FZD3: variants seen among roughly 807,000 people sequenced by gnomAD.
FZD3 encodes the protein frizzled class receptor 3, also known as frizzled-3.
FZD3 carries 30 observed loss-of-function variants against 60.7 expected under a neutral mutation model. That is an observed-to-expected ratio of 0.49 (90% confidence interval 0.37 to 0.67). FZD3 has a LOEUF of 0.67. Ranked by LOEUF, FZD3 falls within the 30% of genes least tolerant of loss-of-function variation. FZD3 has a pLI of 0.00. For missense variants in FZD3, 605 were observed against 838.7 expected (o/e 0.72, Z 3.44); for synonymous variants, 246 against 275.2 (o/e 0.89, Z 1.05).
intron 5 of FZD3, among the ~76,000 whole-genome samples, chr8:28,530,107 G>C (rs1270166278): frequency 5.6e-4 from 71 of 126,574 alleles, no homozygotes; most frequent in African/African-American, 2.3e-3. Flanking sequence ...GTGTGTGTGT[G>C]TGTGTGTGTG....
rs568969479 is a variant in FZD3, at chr8:28,552,201, A to G, written c.1553+450A>G. 1.1e-4 allele frequency among the ~76,000 whole-genome samples: 16 copies of G among 152,358 alleles called. No individual in the cohort carries two copies. In the East Asian group the frequency reaches 2.3e-3, roughly 22 times the overall value. On this transcript the variant is annotated intron_variant, in intron 6 of 7. Coordinates refer to ENST00000240093, the MANE Select transcript of FZD3 (RefSeq NM_017412.4). ...AGGTATTTACTGATAAGAGCTAGAT[A>G]AACTTCTGTCTCCAGTTGTCCATTG... is the stretch of plus-strand genomic sequence containing the variant.
chr8:28,518,003 T>C (rs954505763), intron 3 of FZD3, among the ~76,000 whole-genome samples: 7 of 152,184 alleles, frequency 4.6e-5, no homozygotes, highest in Non-Finnish European at 8.8e-5. Flanking sequence ...TAATCCTCTT[T>C]TCTGCTTAGC....
intron 3 of FZD3, among the ~76,000 whole-genome samples, chr8:28,510,318 G>A (rs1804252580): frequency 6.6e-6 from 1 of 152,138 alleles, no homozygotes; most frequent in African/African-American, 2.4e-5. Flanking sequence ...TTTGACTAGT[G>A]TATTTTTGGG....
Position 28,498,284 on chromosome 8 carries a change from C to A in FZD3, c.-390-1649C>A, listed in dbSNP as rs183757872. 1.3e-4 allele frequency among the ~76,000 whole-genome samples: 20 copies of A among 152,188 alleles called. No homozygotes were observed. The East Asian group carries it at 2.3e-3, about 18-fold the overall frequency. ...TTATGTTAATCTAATAGGTCCCCCC[C>A]CTTTTTTTTTCCAGTTGATATACTA... On this transcript the variant is annotated intron_variant, in intron 1 of 7. Transcript: ENST00000240093.
chr8:28,502,960 A>G lies in FZD3; in HGVS notation c.-54A>G. 1 of 1,229,230 alleles carries G rather than the reference A, an allele frequency of 8.1e-7. No homozygotes were observed. The highest frequency in any genetic ancestry group is 1.2e-6 in the Non-Finnish European group (1 of 858,316). The allele number at this position is 1,229,230 out of a possible 1,614,324, so 76.1% of individuals were successfully genotyped here. A position where few individuals can be genotyped will look rare whatever the true frequency, so the allele number is the denominator to read the frequency against. ...GAGACCTGCAGGTGTATAAATATCTAAAATACATATTGAATAGGCCTGATC... is the reference window on the plus strand; with the variant it reads ...GAGACCTGCAGGTGTATAAATATCTGAAATACATATTGAATAGGCCTGATC... On this transcript the variant is annotated 5_prime_UTR_variant, in exon 3 of 8. Transcript: ENST00000240093.
Position 28,512,670 on chromosome 8 carries a change from A to G in FZD3, c.190-7968A>G, listed in dbSNP as rs377753239. On this transcript the variant is annotated intron_variant, in intron 3 of 7. Transcript: ENST00000240093. ...GTCTAAGATTTAGTATTTATTAAAT[A>G]TATTTTGATTGGATAAGTACAATAT... is the stretch of plus-strand genomic sequence containing the variant. Among the ~76,000 whole-genome samples, 15 of 152,258 alleles carry G rather than the reference A, an allele frequency of 9.9e-5. 1 individual carries two copies. The East Asian group carries it at 1.9e-3, about 20-fold the overall frequency.
chr8:28,554,112 C>T (rs1805461991), intron 6 of FZD3, among the ~76,000 whole-genome samples: 1 of 152,206 alleles, frequency 6.6e-6, no homozygotes. Context: ...TAAGTGAAGC[C>T]AGATTTAAGA....
rs113327467 is a variant in FZD3 at position 28,526,863 on chromosome 8, C to T, written c.387-284C>T. On this transcript the variant is annotated intron_variant, in intron 4 of 7. Transcript: ENST00000240093. ...TAAAGATGAAGGGAATTCATGACAA[C>T]GGTCTCCTTAGTTGCATAAATGTCT... 9.3e-3 allele frequency among the ~76,000 whole-genome samples: 1,419 copies of T among 152,254 alleles called. 27 individuals carry two copies. The highest frequency in any genetic ancestry group is 0.032 in the African/African-American group (1,328 of 41,550).
In FZD3 at chr8:28,527,093, C is replaced by A; in HGVS notation, c.387-54C>A. On this transcript the variant is annotated intron_variant, in intron 4 of 7. Coordinates refer to ENST00000240093, the MANE Select transcript of FZD3 (RefSeq NM_017412.4). The surrounding 1 kb of genome is among the most constrained non-coding windows in gnomAD (Gnocchi z 5.0). ...GATTTGGAAATCCAAACTGTTAGATCGTGATAGATTTCCCCATAAGTAAAA... is the reference window on the plus strand; with the variant it reads ...GATTTGGAAATCCAAACTGTTAGATAGTGATAGATTTCCCCATAAGTAAAA... 6.9e-7 allele frequency: 1 copy of A among 1,445,246 alleles called. No individual in the cohort carries two copies. Among genetic ancestry groups the A allele is most frequent in the African/African-American group, 1.4e-5 (1 of 70,592 alleles). The allele number at this position is 1,445,246 out of a possible 1,614,324, so 89.5% of individuals were successfully genotyped here. A position where few individuals can be genotyped will look rare whatever the true frequency, so the allele number is the denominator to read the frequency against.
intron 7 of FZD3, among the ~76,000 whole-genome samples, chr8:28,557,306 G>GT (rs145794953): frequency 3.4e-4 from 51 of 150,700 alleles, no homozygotes; most frequent in African/African-American, 7.5e-4. Context: ...TTTTTGGGGT[G>GT]TTTTTTTTTA....
intron 1 of FZD3, among the ~76,000 whole-genome samples, chr8:28,496,396 C>T (rs182510642): frequency 6.6e-6 from 1 of 152,146 alleles, no homozygotes; most frequent in Non-Finnish European, 1.5e-5. Context: ...CTTACCACTT[C>T]TTTGAGCGGT....
chr8:28,545,745 G>A (rs1805278801), intron 5 of FZD3, among the ~76,000 whole-genome samples: 1 of 152,174 alleles, frequency 6.6e-6, no homozygotes. Flanking sequence ...AAGTTTTGGT[G>A]TAGCTTTTTA....
chr8:28,510,549 C>G (rs1419367028), intron 3 of FZD3, among the ~76,000 whole-genome samples: 1 of 152,112 alleles, frequency 6.6e-6, no homozygotes, highest in African/African-American at 2.4e-5. Flanking sequence ...TTTACAGAGA[C>G]AGAAACACCT....
chr8:28,504,688 C>T (rs1039563228), intron 3 of FZD3, among the ~76,000 whole-genome samples: 3 of 152,188 alleles, frequency 2.0e-5, no homozygotes, highest in African/African-American at 7.2e-5. Flanking sequence ...TATGAAGTAG[C>T]TAGCACAATG....
chr8:28,542,368 G>A lies in FZD3; in HGVS notation c.1405-9235G>A, dbSNP rs75760402. Among the ~76,000 whole-genome samples the A allele has an allele frequency of 5.7e-3, 875 of 152,284 alleles. 41 individuals are homozygous for A. The East Asian group carries it at 0.14, about 24-fold the overall frequency. On this transcript the variant is annotated intron_variant, in intron 5 of 7. Coordinates refer to ENST00000240093, the MANE Select transcript of FZD3 (RefSeq NM_017412.4). ...TAAAATTGCTTGCTGGCCGGCCGCT[G>A]CGGCTCACTCCTTAATCCTAGCACT...
chr8:28,520,924 T>A, intron 4 of FZD3, 90 bp downstream of exon 4: 1 of 881,412 alleles, frequency 1.1e-6, no homozygotes, highest in Non-Finnish European at 1.7e-6. Flanking sequence ...TTTAAAAAAC[T>A]TTTTTTGAAG....
chr8:28,505,550 C>G (rs1197184885), intron 3 of FZD3, among the ~76,000 whole-genome samples: 1 of 152,010 alleles, frequency 6.6e-6, no homozygotes, highest in Non-Finnish European at 1.5e-5. Flanking sequence ...CAAGGTTTTG[C>G]CATGTTGCCC....
At chr8:28,512,113 T>C (rs1289896181) in intron 3 of FZD3, among the ~76,000 whole-genome samples, 1 of 152,186 alleles carries the variant, frequency 6.6e-6, no homozygotes, top group Non-Finnish European at 1.5e-5. Flanking sequence ...ATTTTACTTT[T>C]CTTTTTTTCT....
At chr8:28,537,439 C>T (rs1805044780) in intron 5 of FZD3, among the ~76,000 whole-genome samples, 1 of 152,138 alleles carries the variant, frequency 6.6e-6, no homozygotes, top group African/African-American at 2.4e-5. Flanking sequence ...TACAGTAGGG[C>T]ATGGCAAACT....
Sources: gnomAD v4.1 joint callset for allele counts (sites outside exome capture counted in the v4.1 genomes callset) on GRCh38, gnomAD v4.1.1 for gene constraint, Gnocchi (gnomAD v3.1) non-coding constraint, MANE v1.5 for transcripts, NCBI Gene and HGNC (gene_info 2026-07-23, HGNC 2026-07-21) for gene names.